Variants in DLG2 observed in about 807,000 individuals in gnomAD.
DLG2 encodes the protein discs large MAGUK scaffold protein 2.
Under a neutral mutation model 132.5 loss-of-function variants are expected in DLG2, and 45 were observed. The observed-to-expected ratio is 0.34, with a 90% CI of 0.27 to 0.44. The LOEUF (loss-of-function observed/expected upper bound fraction) is 0.44, where lower values mean the gene tolerates loss of function less well. Among genes scored for constraint, DLG2 ranks in the 20% least tolerant of loss-of-function variants. The pLI is 1.00. For missense variants in DLG2, 1,045 were observed against 1,196.9 expected, an observed-to-expected ratio of 0.87 and a Z score of 1.87; for synonymous variants, 424 against 419.6, an observed-to-expected ratio of 1.01 and a Z score of -0.13.
intron 3 of DLG2, among the ~76,000 whole-genome samples, chr11:85,529,620 C>G (rs1053193260): frequency 7.2e-5 from 11 of 152,122 alleles, no homozygotes; most frequent in Non-Finnish European, 2.9e-5. Flanking sequence ...ACTCTTCATA[C>G]ACTTTACAAT....
At chr11:84,167,208 G>C (rs1457285458) in intron 8 of DLG2, among the ~76,000 whole-genome samples, 2 of 152,120 alleles carry the variant, frequency 1.3e-5, no homozygotes, top group Non-Finnish European at 2.9e-5. Context: ...GGTGACAGCT[G>C]GTAGATTTCT....
At chr11:84,971,274 G>A (rs542820088) in intron 6 of DLG2, among the ~76,000 whole-genome samples, 2 of 152,192 alleles carry the variant, frequency 1.3e-5, no homozygotes, top group African/African-American at 4.8e-5. Flanking sequence ...TTTTAGCTAT[G>A]CTTAGCAAAC....
intron 18 of DLG2, among the ~76,000 whole-genome samples, chr11:83,695,845 G>C (rs1056310347): frequency 2.0e-5 from 3 of 152,210 alleles, no homozygotes; most frequent in African/African-American, 7.2e-5. Context: ...TCTGGGCAGA[G>C]AGCACAGGAG....
intron 6 of DLG2, among the ~76,000 whole-genome samples, chr11:84,752,168 C>T (rs979256742): frequency 6.6e-6 from 1 of 152,174 alleles, no homozygotes; most frequent in African/African-American, 2.4e-5. Flanking sequence ...GTCTTGCTTG[C>T]CTGGCTTTCT....
intron 6 of DLG2, among the ~76,000 whole-genome samples, chr11:84,674,635 G>A (rs148197519): frequency 6.9e-4 from 105 of 152,110 alleles, no homozygotes; most frequent in African/African-American, 2.4e-3. Flanking sequence ...TGTCACTTTA[G>A]TTGAGTATAC....
chr11:84,352,533 T>G (rs7130835), intron 7 of DLG2, among the ~76,000 whole-genome samples: 8,399 of 152,256 alleles, frequency 0.055, 782 homozygotes, highest in African/African-American at 0.19. Context: ...GTTTCCTGTA[T>G]GTTTCCAGCT....
intron 18 of DLG2, among the ~76,000 whole-genome samples, chr11:83,658,806 C>G (rs2073459467): frequency 6.6e-6 from 1 of 152,234 alleles, no homozygotes. Context: ...GGTTTCATCA[C>G]TCTTTCTAGT....
intron 4 of DLG2, among the ~76,000 whole-genome samples, chr11:85,226,765 G>GA (rs2075004311): frequency 1.3e-5 from 2 of 152,080 alleles, no homozygotes; most frequent in Non-Finnish European, 2.9e-5. Context: ...CACCAGTCCT[G>GA]AAAATCCCTA....
At chr11:84,370,539 T>C (rs1262743468) in intron 7 of DLG2, among the ~76,000 whole-genome samples, 2 of 152,196 alleles carry the variant, frequency 1.3e-5, no homozygotes, top group Non-Finnish European at 2.9e-5. Flanking sequence ...AGTTGACTGA[T>C]GCTGAAAGTG....
intron 18 of DLG2, among the ~76,000 whole-genome samples, chr11:83,658,070 C>G (rs1591874235): frequency 6.6e-6 from 1 of 152,174 alleles, no homozygotes. Flanking sequence ...GAGCTAAATT[C>G]TGGAAAACAC....
At chr11:85,602,964 G>C (rs1473780481) in intron 2 of DLG2, among the ~76,000 whole-genome samples, 1 of 151,994 alleles carries the variant, frequency 6.6e-6, no homozygotes, top group Non-Finnish European at 1.5e-5. Context: ...CAAACTTCAA[G>C]CTTATCCCCT....
At chr11:84,746,094 G>C (rs550061605) in intron 6 of DLG2, among the ~76,000 whole-genome samples, 3 of 152,016 alleles carry the variant, frequency 2.0e-5, no homozygotes, top group African/African-American at 7.3e-5. Context: ...AGCTTAGACC[G>C]TGTGTGAGAT....
intron 6 of DLG2, among the ~76,000 whole-genome samples, chr11:84,778,746 G>T (rs2071152473): frequency 6.6e-6 from 1 of 152,114 alleles, no homozygotes; most frequent in African/African-American, 2.4e-5. Context: ...TGCCAGAAGA[G>T]ATTAACATTT....
chr11:84,657,802 T>C (rs2099690013), intron 6 of DLG2, among the ~76,000 whole-genome samples: 1 of 152,200 alleles, frequency 6.6e-6, no homozygotes, highest in African/African-American at 2.4e-5. Flanking sequence ...AGGATCTGCT[T>C]CCAATACTGC....
At chr11:84,185,531 A>C (rs1188307980) in intron 8 of DLG2, among the ~76,000 whole-genome samples, 1 of 152,106 alleles carries the variant, frequency 6.6e-6, no homozygotes, top group Non-Finnish European at 1.5e-5. Context: ...GGACGATTTG[A>C]CTTCCTCTTT....
intron 11 of DLG2, among the ~76,000 whole-genome samples, chr11:84,053,647 T>C (rs898929701): frequency 2.6e-5 from 4 of 152,094 alleles, no homozygotes; most frequent in Middle Eastern, 3.4e-3. Flanking sequence ...GAATTACATA[T>C]TTAGATATAG....
At chr11:85,095,504 G>T (rs963704732) in intron 6 of DLG2, among the ~76,000 whole-genome samples, 5 of 151,860 alleles carry the variant, frequency 3.3e-5, no homozygotes, top group South Asian at 4.1e-4. Context: ...TAATTCAGTT[G>T]TTTTTTCAGT....
rs562976497 is a variant in DLG2 at position 85,004,562 on chromosome 11, C to T, written c.357+107099G>A. Among the ~76,000 whole-genome samples, 60 of 151,826 alleles carry T rather than the reference C, an allele frequency of 4.0e-4. 1 individual carries two copies. The highest frequency in any genetic ancestry group is 9.7e-4 in the African/African-American group (40 of 41,444). ...CATGTCCTTTGCCTACGTTTTGATG[C>T]GGTTGATTTTTTCTTGTAAATTTGT... On this transcript the variant is annotated intron_variant, in intron 6 of 27. Coordinates refer to ENST00000376104, the MANE Select transcript of DLG2 (RefSeq NM_001142699.3).
chr11:84,851,836 C>A (rs1186663806), intron 6 of DLG2, among the ~76,000 whole-genome samples: 1 of 151,324 alleles, frequency 6.6e-6, no homozygotes, highest in Non-Finnish European at 1.5e-5. Context: ...AAATTATATT[C>A]TATATATGTT....
Sources: gnomAD v4.1 joint callset for allele counts (sites outside exome capture counted in the v4.1 genomes callset) on GRCh38, gnomAD v4.1.1 for gene constraint, MANE v1.5 for transcripts, NCBI Gene and HGNC (gene_info 2026-07-23, HGNC 2026-07-21) for gene names.